LARP1B: variants seen among roughly 807,000 people sequenced by gnomAD.
LARP1B encodes la-related protein 1B.
LARP1B carries 76 observed loss-of-function variants against 114.2 expected under a neutral mutation model. That is an observed-to-expected ratio of 0.67 (90% CI 0.55 to 0.81). LARP1B has a LOEUF of 0.81. Among genes scored for constraint, LARP1B ranks in the 30% least tolerant of loss-of-function variants. LARP1B has a pLI of 0.00. For missense variants in LARP1B, 1,014 were observed against 1,075.8 expected (o/e 0.94, Z 0.80); for synonymous variants, 345 against 348.0 (o/e 0.99, Z 0.10).
chr4:128,136,935 C>T (rs374663191), intron 11 of LARP1B, among the ~76,000 whole-genome samples: 1 of 151,784 alleles, frequency 6.6e-6, no homozygotes, highest in Non-Finnish European at 1.5e-5. Flanking sequence ...TATAAGTGAA[C>T]GTAATAAATT....
rs1770771829 is a variant in LARP1B, at chr4:128,082,186, C to T, written c.239C>T (p.Pro80Leu). The T allele has an allele frequency of 1.2e-6, 2 of 1,611,828 alleles. No individual in the cohort carries two copies. Among genetic ancestry groups the T allele is most frequent in the East Asian group, 2.2e-5 (1 of 44,862 alleles). The change falls in exon 5 of 20, where the codon CCA becomes CTA. Residue 80 changes from proline to leucine, a missense_variant. Coordinates refer to ENST00000326639, the MANE Select transcript of LARP1B (RefSeq NM_018078.4). ...CAAGCTAATAAGCACAAGTGGGTAC[C>T]ACTCCACTTAGATGTTGTAAGATCA... The part of the protein sequence containing the change: ...RKRANKHKWV[P>L]LHLDVVRSES...
rs1360582143 is a variant in LARP1B, at chr4:128,185,501, T to C, written c.2003+5989T>C. On this transcript the variant is annotated intron_variant, in intron 15 of 19. Transcript: ENST00000326639. ...TCTTTGGAGAAATGTCTATTAGATC[T>C]TTTGTCAGTTTTAAAATGGGATTAT... 2.0e-5 allele frequency among the ~76,000 whole-genome samples: 3 copies of C among 150,872 alleles called. No individual in the cohort carries two copies. In the Admixed American group the frequency reaches 2.0e-4, roughly 10 times the overall value.
At chr4:128,154,615 C>G (rs1734536031) in intron 11 of LARP1B, among the ~76,000 whole-genome samples, 1 of 152,162 alleles carries the variant, frequency 6.6e-6, no homozygotes, top group South Asian at 2.1e-4. Flanking sequence ...AATTCATTAT[C>G]TTTTAGCTAA....
chr4:128,085,460 G>T (rs547013380), intron 5 of LARP1B, among the ~76,000 whole-genome samples: 1 of 148,600 alleles, frequency 6.7e-6, no homozygotes, highest in African/African-American at 2.5e-5. Flanking sequence ...TGAACTCTTG[G>T]GCTCAAGCGA....
At chr4:128,190,427 G>T (rs1420069645) in intron 15 of LARP1B, among the ~76,000 whole-genome samples, 1 of 151,942 alleles carries the variant, frequency 6.6e-6, no homozygotes, top group Non-Finnish European at 1.5e-5. Flanking sequence ...ACTCTTATTT[G>T]GATTGAATAT....
At chr4:128,219,227 G>A (rs1277625070) in intron 6 of LARP1B, among the ~76,000 whole-genome samples, 9 of 144,706 alleles carry the variant, frequency 6.2e-5, no homozygotes, top group Admixed American at 3.5e-4. Flanking sequence ...CATTGTGGAA[G>A]TCAGTGTGGC....
intron 12 of LARP1B, among the ~76,000 whole-genome samples, chr4:128,175,905 T>G (rs1174703905): frequency 1.3e-5 from 2 of 151,752 alleles, no homozygotes; most frequent in African/African-American, 4.8e-5. Flanking sequence ...GTTATTTTTT[T>G]GAGGAGAACT....
intron 12 of LARP1B, among the ~76,000 whole-genome samples, chr4:128,175,347 A>C (rs959154691): frequency 5.9e-5 from 9 of 152,102 alleles, no homozygotes; most frequent in African/African-American, 1.9e-4. Flanking sequence ...TCATGATTTG[A>C]TTCAGGTGTT....
At chr4:128,214,628 C>T (rs1001061182), downstream of LARP1B, among the ~76,000 whole-genome samples, 7 of 131,048 alleles carry the variant, frequency 5.3e-5, no homozygotes, top group East Asian at 2.4e-4. Flanking sequence ...ACATCTACAC[C>T]GAAAACCCAT....
At chr4:128,191,238 C>T (rs770142835) in intron 15 of LARP1B, among the ~76,000 whole-genome samples, 3 of 152,068 alleles carry the variant, frequency 2.0e-5, no homozygotes, top group Non-Finnish European at 2.9e-5. Context: ...TGAGACCTCA[C>T]ACATTGCTTT....
intron 1 of LARP1B, among the ~76,000 whole-genome samples, chr4:128,073,583 T>TGTTTTG (rs1561056590): frequency 1.7e-4 from 4 of 23,994 alleles, no homozygotes; most frequent in African/African-American, 5.7e-4. Context: ...TTTTTTTTTT[T>TGTTTTG]TTTTTTTTTT....
At position 128,148,157 on chromosome 4, in the gene LARP1B, G is replaced by A. The variant is rs576972019; in HGVS notation, c.1525-14037G>A. ...CCTTAATATGCATCTAAAGCTGGGC[G>A]CGGTGGCACATGCCTGTAATCCTAG... On this transcript the variant is annotated intron_variant, in intron 11 of 19. Transcript: ENST00000326639. Among the ~76,000 whole-genome samples, 6 of 152,270 alleles carry A rather than the reference G, an allele frequency of 3.9e-5. No individual in the cohort carries two copies. The East Asian group carries it at 7.7e-4, about 20-fold the overall frequency.
chr4:128,129,164 C>CAAAAAAAAAAAAAAAAAAA (rs559312234), intron 11 of LARP1B, among the ~76,000 whole-genome samples: 3 of 49,152 alleles, frequency 6.1e-5, no homozygotes, highest in African/African-American at 2.9e-4. Context: ...GACTCTGTCT[C>CAAAAAAAAAAAAAAAAAAA]AAAAAAAAAA....
intron 13 of LARP1B, 93 bp from the exon 14 acceptor site, chr4:128,178,338 C>T: frequency 4.7e-6 from 4 of 858,634 alleles, no homozygotes; most frequent in South Asian, 3.7e-5. Flanking sequence ...GTGAAAAATC[C>T]TTTGAGCTTA....
chr4:128,073,896 C>G (rs1766726300), intron 1 of LARP1B, among the ~76,000 whole-genome samples: 1 of 149,640 alleles, frequency 6.7e-6, no homozygotes, highest in African/African-American at 2.5e-5. Context: ...AGCCTATATT[C>G]TGTTAATGAG....
intron 7 of LARP1B, among the ~76,000 whole-genome samples, chr4:128,097,261 A>G (rs984701043): frequency 2.6e-5 from 4 of 152,060 alleles, no homozygotes; most frequent in Non-Finnish European, 4.4e-5. Flanking sequence ...ATCGTTCAAA[A>G]TATATATGTG....
intron 17 of LARP1B, among the ~76,000 whole-genome samples, chr4:128,203,318 TCTCCCTCCCTCC>T (rs373986045): frequency 6.8e-6 from 1 of 146,798 alleles, no homozygotes; most frequent in Non-Finnish European, 1.5e-5. Context: ...TGATTCCCTC[TCTCCCTCCCTCC>T]CTCCCTCCCT....
intron 8 of LARP1B, among the ~76,000 whole-genome samples, chr4:128,103,233 T>C (rs1437981324): frequency 6.6e-6 from 1 of 152,214 alleles, no homozygotes; most frequent in Non-Finnish European, 1.5e-5. Flanking sequence ...AATTTTTATA[T>C]GATCCTTTTA....
intron 8 of LARP1B, among the ~76,000 whole-genome samples, chr4:128,105,378 A>G (rs1367908806): frequency 6.6e-6 from 1 of 152,050 alleles, no homozygotes; most frequent in African/African-American, 2.4e-5. Flanking sequence ...TGTTGTTGCA[A>G]TGGTCTGGAT....
Sources: gnomAD v4.1 joint callset for allele counts (sites outside exome capture counted in the v4.1 genomes callset) on GRCh38, gnomAD v4.1.1 for gene constraint, MANE v1.5 for transcripts, NCBI Gene and HGNC (gene_info 2026-07-23, HGNC 2026-07-21) for gene names.